The following NR6A1 variants were observed in gnomAD, a reference collection of about 807,000 sequenced individuals.
The protein encoded by NR6A1 is nuclear receptor subfamily 6 group A member 1, also known as retinoic acid receptor-related testis-associated receptor.
In NR6A1, 7 loss-of-function variants were observed where a neutral mutation model predicts 59.1. The observed-to-expected ratio is 0.12, with a 90% confidence interval of 0.07 to 0.22. NR6A1 has a LOEUF of 0.22. Among genes scored for constraint, NR6A1 ranks in the 10% least tolerant of loss-of-function variants. The pLI, the probability that NR6A1 is intolerant of heterozygous loss-of-function variation, is 1.00. For missense variants in NR6A1, 468 were observed against 611.6 expected (o/e 0.77, Z 2.48); for synonymous variants, 243 against 236.1 (o/e 1.03, Z -0.27).
intron 1 of NR6A1, among the ~76,000 whole-genome samples, chr9:124,758,953 T>C (rs534704113): frequency 6.6e-6 from 1 of 152,318 alleles, no homozygotes; most frequent in African/African-American, 2.4e-5. Context: ...AGCTCCTCCA[T>C]TTTTATAGGT....
At chr9:124,701,637 A>G (rs1838953601) in intron 2 of NR6A1, among the ~76,000 whole-genome samples, 1 of 152,198 alleles carries the variant, frequency 6.6e-6, no homozygotes, top group South Asian at 2.1e-4. Flanking sequence ...TGGAATCATT[A>G]TATTTTTTGT....
At chr9:124,724,109 T>C (rs759364077) in intron 2 of NR6A1, among the ~76,000 whole-genome samples, 3 of 152,162 alleles carry the variant, frequency 2.0e-5, no homozygotes, top group Non-Finnish European at 4.4e-5. Flanking sequence ...TTAAAAACAT[T>C]TGTGAAAATC....
chr9:124,760,197 A>AG (rs1228463729), intron 1 of NR6A1, among the ~76,000 whole-genome samples: 1 of 152,058 alleles, frequency 6.6e-6, no homozygotes, highest in Non-Finnish European at 1.5e-5. Context: ...CTGTAATCCC[A>AG]GCTGCTCCAG....
chr9:124,632,477 C>T (rs1237292000), intron 2 of NR6A1, among the ~76,000 whole-genome samples: 4 of 152,182 alleles, frequency 2.6e-5, no homozygotes, highest in African/African-American at 4.8e-5. Context: ...TCAGAAGGAT[C>T]TGTTCCTGTC....
At chr9:124,596,053 A>G (rs1246515893) in intron 2 of NR6A1, among the ~76,000 whole-genome samples, 2 of 152,226 alleles carry the variant, frequency 1.3e-5, no homozygotes, top group Non-Finnish European at 2.9e-5. Context: ...CGTCTTTCTG[A>G]AAACTATTAT....
intron 3 of NR6A1, among the ~76,000 whole-genome samples, chr9:124,548,826 C>A (rs1301482107): frequency 6.6e-6 from 1 of 152,184 alleles, no homozygotes; most frequent in Non-Finnish European, 1.5e-5. Context: ...TTCACAGTTA[C>A]TTAACTAACA....
At chr9:124,638,348 A>G (rs1836679852) in intron 2 of NR6A1, among the ~76,000 whole-genome samples, 1 of 151,950 alleles carries the variant, frequency 6.6e-6, no homozygotes, top group Admixed American at 6.6e-5. Flanking sequence ...ACTTTTTCTT[A>G]GCAGTCTCTA....
intron 2 of NR6A1, among the ~76,000 whole-genome samples, chr9:124,709,048 G>A (rs1339451010): frequency 6.6e-6 from 1 of 152,072 alleles, no homozygotes; most frequent in East Asian, 1.9e-4. Context: ...ATTAATACCT[G>A]GATTCTCACT....
chr9:124,740,456 TTTTA>T (rs150317346), intron 1 of NR6A1, among the ~76,000 whole-genome samples: 5,760 of 152,244 alleles, frequency 0.038, 301 homozygotes, highest in African/African-American at 0.12. Context: ...TCTTATATAG[TTTTA>T]AACATGAGAT....
chr9:124,754,271 C>T (rs781120086), intron 1 of NR6A1, among the ~76,000 whole-genome samples: 18 of 152,178 alleles, frequency 1.2e-4, no homozygotes, highest in Non-Finnish European at 2.1e-4. Flanking sequence ...TTTTTCCAAA[C>T]CTATATGAGA....
intron 9 of NR6A1, among the ~76,000 whole-genome samples, chr9:124,524,251 C>T (rs540179117): frequency 1.3e-5 from 2 of 152,138 alleles, no homozygotes; most frequent in East Asian, 3.9e-4. Context: ...GCCACTGTGC[C>T]CAGCTAAAGA....
intron 2 of NR6A1, among the ~76,000 whole-genome samples, chr9:124,675,219 T>C (rs749052011): frequency 9.2e-5 from 14 of 152,250 alleles, no homozygotes; most frequent in South Asian, 2.1e-4. Context: ...GAGTTAATCC[T>C]GTGGACTGGC....
intron 2 of NR6A1, among the ~76,000 whole-genome samples, chr9:124,707,371 T>C (rs565244501): frequency 5.3e-5 from 8 of 152,198 alleles, no homozygotes; most frequent in South Asian, 2.1e-4. Context: ...AAATTCTCTA[T>C]GTACTAGATC....
At chr9:124,666,272 G>GTTTTTTTTTTTTT (rs1588760705) in intron 2 of NR6A1, among the ~76,000 whole-genome samples, 3 of 127,824 alleles carry the variant, frequency 2.3e-5, no homozygotes, top group African/African-American at 7.8e-5. Flanking sequence ...CCTCTATGTG[G>GTTTTTTTTTTTTT]TTCTTTTTTT....
In NR6A1 at chr9:124,771,214, C is replaced by G; in HGVS notation, c.-95G>C. ...TCGTCCGCCGAGGGGAGGAGGTTGT[C>G]AGGAGCCCGCGAGCTCCCGGCCGCG... is the stretch of plus-strand genomic sequence containing the variant. On this transcript the variant is annotated 5_prime_UTR_variant, in exon 1 of 10. Coordinates refer to ENST00000487099, the MANE Select transcript of NR6A1 (RefSeq NM_033334.4). The G allele has an allele frequency of 1.5e-6, 1 of 674,790 alleles. No homozygotes were observed. The highest frequency in any genetic ancestry group is 2.1e-6 in the Non-Finnish European group (1 of 478,922). 41.8% of individuals were successfully genotyped at this position (674,790 alleles called of 1,614,324 possible).
At chr9:124,700,761 T>A (rs1040672474) in intron 2 of NR6A1, among the ~76,000 whole-genome samples, 1 of 144,398 alleles carries the variant, frequency 6.9e-6, no homozygotes, top group Non-Finnish European at 1.5e-5. Context: ...AGCCTTTTTT[T>A]TTTTTTTTTT....
At chr9:124,738,423 A>T (rs1840077368) in intron 1 of NR6A1, among the ~76,000 whole-genome samples, 1 of 152,230 alleles carries the variant, frequency 6.6e-6, no homozygotes, top group African/African-American at 2.4e-5. Context: ...TGGTGACTTA[A>T]ATTGCTTTCA....
In NR6A1 at chr9:124,721,203, C is replaced by G. The variant is rs560331443; in HGVS notation, c.142+12105G>C. The stretch of plus-strand genomic sequence containing the variant: ...CAAGACTATCCAAGGACCCAACAAC[C>G]GCCTTTGAATGCAACTATCTTTTCA... On this transcript the variant is annotated intron_variant, in intron 2 of 9. Coordinates refer to ENST00000487099, the MANE Select transcript of NR6A1 (RefSeq NM_033334.4). Among the ~76,000 whole-genome samples the G allele has an allele frequency of 2.0e-5, 3 of 152,292 alleles. No individual in the cohort carries two copies. In the East Asian group the frequency reaches 5.8e-4, roughly 29 times the overall value.
At chr9:124,658,971 GT>G (rs1422803695) in intron 2 of NR6A1, among the ~76,000 whole-genome samples, 1 of 152,104 alleles carries the variant, frequency 6.6e-6, no homozygotes, top group Non-Finnish European at 1.5e-5. Context: ...GAACACAAAG[GT>G]TGCTTTCCAT....
Sources: allele counts gnomAD v4.1 joint callset (sites outside exome capture counted in the v4.1 genomes callset), GRCh38; gene constraint gnomAD v4.1.1; transcripts MANE v1.5; gene names NCBI Gene and HGNC (gene_info 2026-07-23, HGNC 2026-07-21).